Variants in TTC27 observed in about 807,000 individuals in gnomAD.
TTC27 encodes the protein tetratricopeptide repeat domain 27.
Under a neutral mutation model 115.9 loss-of-function variants are expected in TTC27, and 79 were observed. The observed-to-expected ratio is 0.68, with a 90% CI of 0.57 to 0.82. The LOEUF (loss-of-function observed/expected upper bound fraction) is 0.82. TTC27 is among the 40% of genes least tolerant of loss of function. The pLI, the probability that TTC27 is intolerant of heterozygous loss-of-function variation, is 0.00. For synonymous variants in TTC27, 401 were observed against 356.0 expected, an observed-to-expected ratio of 1.13 and a Z score of -1.42; for missense variants, 1,054 against 993.1, an observed-to-expected ratio of 1.06 and a Z score of -0.82.
In TTC27 at chr2:32,692,036, G is replaced by GTTTTTTTTTTTTTTTTTTTTT. The variant is rs779547700; in HGVS notation, c.1120-10765_1120-10745dup. ...GGGATATTCTTTTTTAATTTTTTAG[G>GTTTTTTTTTTTTTTTTTTTTT]TTTTTTTTTTTTTTTTTTTTTTTTT... On this transcript the variant is annotated intron_variant, in intron 9 of 19. Transcript: ENST00000317907. 2.0e-3 allele frequency among the ~76,000 whole-genome samples: 122 copies of GTTTTTTTTTTTTTTTTTTTTT among 61,206 alleles called. 28 individuals carry two copies. The highest frequency in any genetic ancestry group is 3.0e-3 in the East Asian group (5 of 1,652). The allele number at this position is 61,206 out of a possible 152,430, so 40.2% of individuals were successfully genotyped here.
At chr2:32,801,271 C>A (rs1207640259) in intron 16 of TTC27, among the ~76,000 whole-genome samples, 2 of 152,222 alleles carry the variant, frequency 1.3e-5, no homozygotes, top group African/African-American at 4.8e-5. Context: ...GTTCTCCCCA[C>A]TGAGTTCTAG....
At chr2:32,764,692 A>T (rs1278231884) in intron 13 of TTC27, among the ~76,000 whole-genome samples, 1 of 152,240 alleles carries the variant, frequency 6.6e-6, no homozygotes, top group Non-Finnish European at 1.5e-5. Context: ...GCCACAGCAG[A>T]ACTTCTTTCA....
chr2:32,749,207 T>G (rs1668929060), intron 12 of TTC27, among the ~76,000 whole-genome samples: 1 of 152,232 alleles, frequency 6.6e-6, no homozygotes, highest in African/African-American at 2.4e-5. Flanking sequence ...CTAGTTGTTT[T>G]TTGAAAGACT....
In TTC27 at chr2:32,817,550, A is replaced by G. The variant is rs761935146; in HGVS notation, c.2402A>G (p.Lys801Arg). Residue 801 changes from lysine (K) to arginine (R), a missense_variant, in exon 19 of 20, where the codon AAA becomes AGA. Coordinates refer to ENST00000317907, the MANE Select transcript of TTC27 (RefSeq NM_017735.5). ...VRLNLRGLLS[K>R]AKQLFTDVAT... Reference sequence around the variant, plus strand: ...CTCAATTTACGGGGCTTGTTATCTAAAGCAAAGGTGAGAGTGACATGTGAA... The same window carrying G: ...CTCAATTTACGGGGCTTGTTATCTAGAGCAAAGGTGAGAGTGACATGTGAA... 1 of 1,613,122 alleles carries G rather than the reference A, an allele frequency of 6.2e-7. No homozygotes were observed. Among genetic ancestry groups the G allele is most frequent in the Admixed American group, 1.7e-5 (1 of 60,032 alleles).
At chr2:32,756,884 G>A (rs1669251374) in intron 12 of TTC27, among the ~76,000 whole-genome samples, 1 of 152,212 alleles carries the variant, frequency 6.6e-6, no homozygotes. Flanking sequence ...TCAGAAATGG[G>A]ATGGTGGACA....
chr2:32,776,938 G>T (rs1328725854), intron 13 of TTC27, among the ~76,000 whole-genome samples: 1 of 152,128 alleles, frequency 6.6e-6, no homozygotes, highest in African/African-American at 2.4e-5. Flanking sequence ...TCTCCCTTTT[G>T]ACAGAGGCTA....
chr2:32,665,635 C>A (rs1193488870), intron 6 of TTC27, among the ~76,000 whole-genome samples: 1 of 152,170 alleles, frequency 6.6e-6, no homozygotes, highest in Non-Finnish European at 1.5e-5. Context: ...TGACTCATGC[C>A]TGTAATCCCA....
chr2:32,721,543 T>G (rs1199659535), intron 10 of TTC27, among the ~76,000 whole-genome samples: 1 of 152,028 alleles, frequency 6.6e-6, no homozygotes, highest in African/African-American at 2.4e-5. Flanking sequence ...AAGAGGAAGA[T>G]AAATCACAAG....
intron 16 of TTC27, among the ~76,000 whole-genome samples, chr2:32,789,448 G>A (rs1354147978): frequency 6.6e-6 from 1 of 152,062 alleles, no homozygotes; most frequent in African/African-American, 2.4e-5. Context: ...TAGGGAGAGA[G>A]GTGATATTTA....
At chr2:32,679,758 CGAG>C (rs1259172015) in intron 9 of TTC27, among the ~76,000 whole-genome samples, 1 of 152,020 alleles carries the variant, frequency 6.6e-6, no homozygotes, top group African/African-American at 2.4e-5. Flanking sequence ...TTTGAGAGGC[CGAG>C]GCAGGTGGAT....
At chr2:32,731,802 C>T (rs190120761) in intron 10 of TTC27, among the ~76,000 whole-genome samples, 43 of 151,966 alleles carry the variant, frequency 2.8e-4, no homozygotes, top group Middle Eastern at 6.8e-3. Context: ...GGAGAGTATC[C>T]GAGAGTTGTA....
intron 3 of TTC27, among the ~76,000 whole-genome samples, chr2:32,637,204 A>G (rs1447216166): frequency 6.6e-6 from 1 of 152,172 alleles, no homozygotes; most frequent in African/African-American, 2.4e-5. Context: ...ATTTGTTGCT[A>G]TGTTAAATTA....
At position 32,708,304 on chromosome 2, in the gene TTC27, G is replaced by GTTTTTTTTTTTTTTTTTTTTTTT. The variant is rs1158508588; in HGVS notation, c.1233+5406_1233+5407insTTTTTTTTTTTTTTTTTTTTTTT. ...AATAGCGTTTTCTTTTCTCTACCTTGTTTTTTTTTTTTTTTTTTTTTTAAT... is the reference window on the plus strand; with the variant it reads ...AATAGCGTTTTCTTTTCTCTACCTTGTTTTTTTTTTTTTTTTTTTTTTTTTTTTTTTTTTTTTTTTTTTTTAAT... On this transcript the variant is annotated intron_variant, in intron 10 of 19. Coordinates refer to ENST00000317907, the MANE Select transcript of TTC27 (RefSeq NM_017735.5). 6.5e-4 allele frequency among the ~76,000 whole-genome samples: 40 copies of GTTTTTTTTTTTTTTTTTTTTTTT among 61,354 alleles called. 5 individuals carry two copies. Among genetic ancestry groups the GTTTTTTTTTTTTTTTTTTTTTTT allele is most frequent in the Non-Finnish European group, 8.4e-4 (27 of 32,168 alleles). The allele number at this position is 61,354 out of a possible 152,430, so 40.3% of individuals were successfully genotyped here. A position where few individuals can be genotyped will look rare whatever the true frequency, so the allele number is the denominator to read the frequency against.
At chr2:32,798,583 T>C (rs1572624476) in intron 16 of TTC27, among the ~76,000 whole-genome samples, 1 of 150,264 alleles carries the variant, frequency 6.7e-6, no homozygotes, top group South Asian at 2.1e-4. Context: ...TGGGCGCCTG[T>C]GGTCCTAGCT....
intron 13 of TTC27, among the ~76,000 whole-genome samples, chr2:32,764,662 T>C (rs1356817333): frequency 6.6e-6 from 1 of 152,200 alleles, no homozygotes; most frequent in African/African-American, 2.4e-5. Flanking sequence ...TAGCATACAA[T>C]GGTGTTTGAT....
intron 3 of TTC27, among the ~76,000 whole-genome samples, chr2:32,636,865 A>G (rs532566832): frequency 6.6e-6 from 1 of 152,290 alleles, no homozygotes; most frequent in African/African-American, 2.4e-5. Flanking sequence ...AAATGGATAG[A>G]GAAGAGGAAA....
chr2:32,671,742 A>C (rs1459071038), intron 7 of TTC27, among the ~76,000 whole-genome samples: 1 of 152,206 alleles, frequency 6.6e-6, no homozygotes, highest in South Asian at 2.1e-4. Context: ...ATAACAAGCT[A>C]TTTGTGAGAA....
chr2:32,815,068 A>G (rs1360262082), intron 18 of TTC27, among the ~76,000 whole-genome samples: 2 of 151,794 alleles, frequency 1.3e-5, no homozygotes, highest in Non-Finnish European at 2.9e-5. Flanking sequence ...GCTCATTTGT[A>G]TTGTCTGGAA....
intron 10 of TTC27, among the ~76,000 whole-genome samples, chr2:32,727,869 A>T (rs1159648657): frequency 1.3e-5 from 2 of 152,002 alleles, no homozygotes; most frequent in Non-Finnish European, 2.9e-5. Flanking sequence ...CTAATATGAT[A>T]AATATTGATG....
Sources: gnomAD v4.1 joint callset for allele counts (sites outside exome capture counted in the v4.1 genomes callset) on GRCh38, gnomAD v4.1.1 for gene constraint, MANE v1.5 for transcripts, NCBI Gene and HGNC (gene_info 2026-07-23, HGNC 2026-07-21) for gene names.